Variants in RMST observed in about 807,000 individuals in gnomAD.
RMST encodes long intergenic non-protein coding RNA 54.
intron 5 of RMST, among the ~76,000 whole-genome samples, chr12:97,487,234 T>A (rs1360331611): frequency 6.6e-6 from 1 of 152,182 alleles, no homozygotes; most frequent in Non-Finnish European, 1.5e-5. Context: ...TCACCTGGGT[T>A]GGATTTGTGT....
intron 4 of RMST, among the ~76,000 whole-genome samples, chr12:97,464,401 C>A (rs908260798): frequency 6.6e-6 from 1 of 152,164 alleles, no homozygotes; most frequent in East Asian, 1.9e-4. Flanking sequence ...CCCCAGGTCC[C>A]CATTTACAAG....
chr12:97,564,089 AT>A, intron 13 of RMST: 2 of 333,958 alleles, frequency 6.0e-6, no homozygotes, highest in South Asian at 5.1e-5. Flanking sequence ...ATTGATTAAC[AT>A]GCACATTTGG....
chr12:97,472,512 T>C (rs1305968298), intron 5 of RMST, among the ~76,000 whole-genome samples: 1 of 152,160 alleles, frequency 6.6e-6, no homozygotes, highest in Non-Finnish European at 1.5e-5. Flanking sequence ...ATCCTGCTGA[T>C]TCAGTGCAAT....
rs537840796 is a variant in RMST at position 97,524,075 on chromosome 12, CAAAAAAAAA to C, written n.1341-6560_1341-6552del. On this transcript the variant is annotated intron_variant and non_coding_transcript_variant, in intron 10 of 13. Transcript: ENST00000640149. The stretch of plus-strand genomic sequence containing the variant: ...TGGGCAACAGAGTGAGACTCTGTCT[CAAAAAAAAA>C]AAAAAAAAAAAAAAAAAAATCACAT... Among the ~76,000 whole-genome samples the C allele has an allele frequency of 5.7e-3, 322 of 56,118 alleles. 9 individuals are homozygous for C. The East Asian group carries it at 0.11, about 19-fold the overall frequency. The allele number at this position is 56,118 out of a possible 152,430, so 36.8% of individuals were successfully genotyped here.
At chr12:97,508,944 A>G (rs1187415166) in intron 10 of RMST, among the ~76,000 whole-genome samples, 1 of 152,258 alleles carries the variant, frequency 6.6e-6, no homozygotes, top group Admixed American at 6.5e-5. Flanking sequence ...AAAAGAAGAC[A>G]AATATTTAGA....
chr12:97,539,739 G>A (rs2136617179), intron 11 of RMST, among the ~76,000 whole-genome samples: 1 of 151,756 alleles, frequency 6.6e-6, no homozygotes, highest in African/African-American at 2.4e-5. Context: ...AAACAGGTCA[G>A]TGATGTCAAA....
At chr12:97,543,225 G>A (rs556607825) in intron 11 of RMST, among the ~76,000 whole-genome samples, 71 of 152,102 alleles carry the variant, frequency 4.7e-4, no homozygotes, top group African/African-American at 1.6e-3. Flanking sequence ...ATGTCAGCAC[G>A]AGCATTCCTT....
chr12:97,543,056 A>G (rs1882668831), intron 11 of RMST, among the ~76,000 whole-genome samples: 1 of 152,004 alleles, frequency 6.6e-6, no homozygotes, highest in South Asian at 2.1e-4. Flanking sequence ...GTGCTATGGA[A>G]ATAAGACCAG....
At chr12:97,472,974 G>A (rs953238439) in intron 5 of RMST, among the ~76,000 whole-genome samples, 11 of 151,982 alleles carry the variant, frequency 7.2e-5, no homozygotes, top group African/African-American at 1.2e-4. Context: ...AAATATAATC[G>A]TTCTCTCATC....
At chr12:97,478,414 C>G (rs1057102188) in intron 5 of RMST, among the ~76,000 whole-genome samples, 2 of 152,192 alleles carry the variant, frequency 1.3e-5, no homozygotes, top group African/African-American at 4.8e-5. Context: ...GGAAGCATCT[C>G]ATTTCATTGT....
chr12:97,558,767 G>C (rs1262252173), intron 11 of RMST, among the ~76,000 whole-genome samples: 3 of 152,072 alleles, frequency 2.0e-5, no homozygotes, highest in African/African-American at 4.8e-5. Context: ...GAAGGGGCTT[G>C]GTTATTTATT....
chr12:97,468,706 T>TA (rs1235888138), intron 5 of RMST, among the ~76,000 whole-genome samples: 1 of 152,054 alleles, frequency 6.6e-6, no homozygotes, highest in Non-Finnish European at 1.5e-5. Context: ...TAATATAGTT[T>TA]ACCGTAGAGA....
At chr12:97,495,583 C>T (rs1599850) in intron 9 of RMST, among the ~76,000 whole-genome samples, 125,474 of 151,838 alleles carry the variant, frequency 0.83, 52,194 homozygotes, top group Middle Eastern at 0.91. Flanking sequence ...GTATACTATA[C>T]TAAAATCCCT....
At chr12:97,533,717 T>G (rs1480029684) in intron 11 of RMST, 1 of 151,894 alleles carries the variant, frequency 6.6e-6, no homozygotes, top group Non-Finnish European at 1.5e-5. Context: ...GTCTGCCTTT[T>G]ATGTATCTGT....
chr12:97,542,207 T>C (rs1267131043), intron 11 of RMST, among the ~76,000 whole-genome samples: 1 of 151,834 alleles, frequency 6.6e-6, no homozygotes, highest in Non-Finnish European at 1.5e-5. Flanking sequence ...TAAAATTGAG[T>C]TGATCATAAG....
intron 10 of RMST, among the ~76,000 whole-genome samples, chr12:97,520,167 C>T (rs1880365072): frequency 6.6e-6 from 1 of 152,174 alleles, no homozygotes; most frequent in Admixed American, 6.5e-5. Flanking sequence ...ATTTCTTTCT[C>T]TTAAAGCTAA....
intron 10 of RMST, among the ~76,000 whole-genome samples, chr12:97,501,140 A>G (rs1878031786): frequency 6.6e-6 from 1 of 152,206 alleles, no homozygotes. Flanking sequence ...ACCTAGCTGA[A>G]GATAAGGCAG....
intron 5 of RMST, among the ~76,000 whole-genome samples, chr12:97,482,195 A>G (rs1301985907): frequency 6.6e-6 from 1 of 152,214 alleles, no homozygotes; most frequent in Non-Finnish European, 1.5e-5. Flanking sequence ...AGTTTTTATT[A>G]ACGTCTTGGG....
intron 5 of RMST, among the ~76,000 whole-genome samples, chr12:97,468,442 C>T (rs1873464462): frequency 6.6e-6 from 1 of 151,914 alleles, no homozygotes; most frequent in Non-Finnish European, 1.5e-5. Context: ...TGTACAAAAC[C>T]TTTTTGCATC....
Sources: allele counts gnomAD v4.1 joint callset (sites outside exome capture counted in the v4.1 genomes callset), GRCh38; gene constraint gnomAD v4.1.1; transcripts MANE v1.5; gene names NCBI Gene and HGNC (gene_info 2026-07-23, HGNC 2026-07-21).